Variants in METTL15 observed in about 807,000 individuals in gnomAD.
METTL15 encodes methyltransferase 15, mitochondrial 12S rRNA N4-cytidine, also known as 12S rRNA N(4)-cytidine methyltransferase METTL15.
Under a neutral mutation model 38.3 loss-of-function variants are expected in METTL15, and 34 were observed. The observed-to-expected ratio is 0.89, with a 90% confidence interval of 0.68 to 1.18. The LOEUF is 1.18. Ranked by LOEUF, METTL15 falls within the 50% of genes most tolerant of loss-of-function variation. The pLI is 0.00. For synonymous variants in METTL15, 162 were observed against 170.9 expected (o/e 0.95, Z 0.41); for missense variants, 438 against 498.4 (o/e 0.88, Z 1.15).
intron 3 of METTL15, among the ~76,000 whole-genome samples, chr11:28,116,772 T>A (rs996483583): frequency 3.1e-4 from 47 of 152,276 alleles, no homozygotes; most frequent in African/African-American, 6.7e-4. Flanking sequence ...AATTTTTTTT[T>A]AAATTTTAAT....
chr11:28,367,215 A>T (rs1386373386), intron 5 of METTL15, among the ~76,000 whole-genome samples: 3 of 151,582 alleles, frequency 2.0e-5, no homozygotes, highest in African/African-American at 7.3e-5. Context: ...AAAAAAAAAA[A>T]GGAGAGCTAG....
At chr11:28,276,111 A>G (rs1322810967) in intron 4 of METTL15, among the ~76,000 whole-genome samples, 1 of 152,154 alleles carries the variant, frequency 6.6e-6, no homozygotes, top group Non-Finnish European at 1.5e-5. Flanking sequence ...AGCAGGCAAG[A>G]GAAAGAAATA....
intron 4 of METTL15, among the ~76,000 whole-genome samples, chr11:28,277,402 G>A (rs1278917127): frequency 6.6e-6 from 1 of 152,088 alleles, no homozygotes; most frequent in Non-Finnish European, 1.5e-5. Context: ...TTGACCTTAA[G>A]AAAGAATGAA....
intron 3 of METTL15, among the ~76,000 whole-genome samples, chr11:28,130,546 C>A (rs1433366565): frequency 6.6e-6 from 1 of 152,028 alleles, no homozygotes; most frequent in African/African-American, 2.4e-5. Context: ...CTTTAAAGAA[C>A]AGAATATTTC....
At chr11:28,401,928 G>A (rs1451243029) in intron 5 of METTL15, among the ~76,000 whole-genome samples, 3 of 151,938 alleles carry the variant, frequency 2.0e-5, no homozygotes, top group Non-Finnish European at 4.4e-5. Context: ...CTTAATAAAT[G>A]TACTTAGTGA....
chr11:28,370,683 G>C (rs1850234517), intron 5 of METTL15, among the ~76,000 whole-genome samples: 1 of 151,872 alleles, frequency 6.6e-6, no homozygotes, highest in South Asian at 2.1e-4. Context: ...TGGTGTACTA[G>C]GGTTTCCTTT....
chr11:28,215,322 C>T (rs1269062003), intron 4 of METTL15, among the ~76,000 whole-genome samples: 1 of 151,882 alleles, frequency 6.6e-6, no homozygotes. Context: ...AAAAAAGGTT[C>T]TGGTTTCTAT....
intron 6 of METTL15, among the ~76,000 whole-genome samples, chr11:28,320,025 T>G (rs1487183761): frequency 2.0e-5 from 3 of 152,154 alleles, no homozygotes; most frequent in Non-Finnish European, 4.4e-5. Context: ...TTAAGTATCA[T>G]TCTTTTCATT....
chr11:28,394,036 C>G (rs1850542005), intron 5 of METTL15, among the ~76,000 whole-genome samples: 1 of 151,940 alleles, frequency 6.6e-6, no homozygotes, highest in African/African-American at 2.4e-5. Context: ...CTATAATTAC[C>G]TTTTTATGTG....
At chr11:28,384,444 G>A (rs766623348) in intron 5 of METTL15, among the ~76,000 whole-genome samples, 1 of 152,022 alleles carries the variant, frequency 6.6e-6, no homozygotes, top group Non-Finnish European at 1.5e-5. Flanking sequence ...AAGTAGCTGG[G>A]ATTACAGACA....
chr11:28,166,794 C>T (rs1850673265), intron 3 of METTL15, among the ~76,000 whole-genome samples: 1 of 151,932 alleles, frequency 6.6e-6, no homozygotes, highest in Non-Finnish European at 1.5e-5. Flanking sequence ...ACCAAAAAGG[C>T]AAAAATTAGC....
At position 28,231,229 on chromosome 11, in the gene METTL15, G is replaced by A. The variant is rs533535377; in HGVS notation, c.407+20031G>A. Among the ~76,000 whole-genome samples the A allele has an allele frequency of 4.0e-5, 6 of 151,882 alleles. No homozygotes were observed. In the South Asian group the frequency reaches 1.2e-3, roughly 31 times the overall value. On this transcript the variant is annotated intron_variant, in intron 4 of 6. Coordinates refer to ENST00000407364, the MANE Select transcript of METTL15 (RefSeq NM_001113528.2). The stretch of plus-strand genomic sequence containing the variant: ...ATTAAGAAGTATTTATTTAAGATAA[G>A]TGTCAGGACCCAAAAACATTAAATA...
chr11:28,113,696 C>G (rs1444359862), intron 3 of METTL15, 92 bp downstream of exon 3: 1 of 1,372,982 alleles, frequency 7.3e-7, no homozygotes, highest in Non-Finnish European at 9.9e-7. Flanking sequence ...AATTCAGTGG[C>G]CTTTAGTATA....
At chr11:28,294,025 T>G (rs1250304075) in intron 5 of METTL15, among the ~76,000 whole-genome samples, 1 of 152,178 alleles carries the variant, frequency 6.6e-6, no homozygotes, top group Non-Finnish European at 1.5e-5. Context: ...GACTTCCTCT[T>G]TTCCTAATGA....
intron 4 of METTL15, among the ~76,000 whole-genome samples, chr11:28,262,862 A>G (rs1855263865): frequency 6.6e-6 from 1 of 152,080 alleles, no homozygotes; most frequent in African/African-American, 2.4e-5. Flanking sequence ...CCAAATGTCC[A>G]GGTCTTCTTG....
At chr11:28,442,567 T>A (rs1851043732) in intron 6 of METTL15, among the ~76,000 whole-genome samples, 2 of 152,250 alleles carry the variant, frequency 1.3e-5, no homozygotes, top group South Asian at 4.1e-4. Flanking sequence ...TACCTTCCAA[T>A]GCTGATTTCA....
At chr11:28,244,213 A>C (rs1854420646) in intron 4 of METTL15, among the ~76,000 whole-genome samples, 1 of 152,218 alleles carries the variant, frequency 6.6e-6, no homozygotes, top group Admixed American at 6.5e-5. Context: ...ATCAGATTGC[A>C]GAAGGTAAGG....
intron 6 of METTL15, among the ~76,000 whole-genome samples, chr11:28,320,175 T>C (rs1039408428): frequency 7.1e-5 from 8 of 112,178 alleles, no homozygotes; most frequent in Non-Finnish European, 1.2e-4. Flanking sequence ...ATAGACTAAA[T>C]AAATAGTTTT....
intron 4 of METTL15, among the ~76,000 whole-genome samples, chr11:28,262,994 C>T (rs1228124545): frequency 6.6e-6 from 1 of 151,926 alleles, no homozygotes; most frequent in Admixed American, 6.6e-5. Flanking sequence ...CAATCCATGT[C>T]TGTTTTCTTT....
Sources: allele counts gnomAD v4.1 joint callset (sites outside exome capture counted in the v4.1 genomes callset), GRCh38; gene constraint gnomAD v4.1.1; transcripts MANE v1.5; gene names NCBI Gene and HGNC (gene_info 2026-07-23, HGNC 2026-07-21).